Variants in ZNF385D observed in about 807,000 individuals in gnomAD.
The protein encoded by ZNF385D is zinc finger protein 385D.
A neutral mutation model predicts 35.8 loss-of-function variants in ZNF385D; 15 were observed. The observed-to-expected ratio is 0.42, with a 90% confidence interval of 0.28 to 0.64. The LOEUF is 0.64. Ranked by LOEUF, ZNF385D falls within the 30% of genes least tolerant of loss-of-function variation. The pLI is 0.23. For missense variants in ZNF385D, 474 were observed against 494.6 expected (o/e 0.96, Z 0.39); for synonymous variants, 212 against 186.8 (o/e 1.13, Z -1.10).
intron 3 of ZNF385D, among the ~76,000 whole-genome samples, chr3:21,810,966 G>C (rs752898056): frequency 1.6e-5 from 2 of 121,658 alleles, no homozygotes; most frequent in African/African-American, 6.2e-5. Context: ...ATATGTGTGT[G>C]TATACGTGTG....
intron 2 of ZNF385D, among the ~76,000 whole-genome samples, chr3:22,293,316 T>C (rs1702400161): frequency 6.6e-6 from 1 of 152,132 alleles, no homozygotes; most frequent in African/African-American, 2.4e-5. Flanking sequence ...CCTTTACTCA[T>C]CTCAATTAGT....
At chr3:22,196,696 C>T (rs773273777) in intron 2 of ZNF385D, among the ~76,000 whole-genome samples, 36 of 152,112 alleles carry the variant, frequency 2.4e-4, no homozygotes, top group Non-Finnish European at 4.9e-4. Flanking sequence ...TCATGTTTCA[C>T]TTGTTTTACG....
chr3:22,135,525 ACT>A (rs1323981240), intron 3 of ZNF385D, among the ~76,000 whole-genome samples: 3 of 152,180 alleles, frequency 2.0e-5, no homozygotes, highest in Non-Finnish European at 4.4e-5. Flanking sequence ...AGAATGAAAG[ACT>A]CAACATAGTA....
chr3:21,426,081 T>C (rs1464152241), intron 5 of ZNF385D, among the ~76,000 whole-genome samples: 1 of 152,176 alleles, frequency 6.6e-6, no homozygotes, highest in Non-Finnish European at 1.5e-5. Flanking sequence ...GCTAAAGATA[T>C]AGCTGGAGGT....
At chr3:22,238,255 T>C (rs1306430217) in intron 2 of ZNF385D, among the ~76,000 whole-genome samples, 1 of 151,076 alleles carries the variant, frequency 6.6e-6, no homozygotes, top group East Asian at 1.9e-4. Flanking sequence ...CCAACTTTGC[T>C]TTTTTGGTTT....
chr3:21,902,393 T>A (rs1231097955), intron 3 of ZNF385D, among the ~76,000 whole-genome samples: 1 of 152,096 alleles, frequency 6.6e-6, no homozygotes, highest in African/African-American at 2.4e-5. Flanking sequence ...GAAACAAAAA[T>A]AGAGATCGAT....
rs575786357 is a variant in ZNF385D at position 22,027,830 on chromosome 3, G to A, written c.325+140987C>T. On this transcript the variant is annotated intron_variant, in intron 3 of 5. Coordinates refer to the ZNF385D transcript ENST00000494108. ...CCAGCCTGCAACAATGGCCTCATGG[G>A]GGGTTCTCTATGATCAGTTGACAGA... Among the ~76,000 whole-genome samples the A allele has an allele frequency of 1.6e-4, 24 of 152,296 alleles. 1 individual carries two copies. The South Asian group carries it at 3.9e-3, about 25-fold the overall frequency.
chr3:21,561,353 A>T (rs35104803), intron 3 of ZNF385D, among the ~76,000 whole-genome samples: 2 of 152,040 alleles, frequency 1.3e-5, no homozygotes, highest in Non-Finnish European at 2.9e-5. Flanking sequence ...TGGAGCGCAC[A>T]ATTCCTCATG....
chr3:22,037,621 T>A (rs958487186), intron 3 of ZNF385D, among the ~76,000 whole-genome samples: 1 of 152,170 alleles, frequency 6.6e-6, no homozygotes, highest in African/African-American at 2.4e-5. Context: ...CTTTGTCAGA[T>A]GAGTAGATTG....
chr3:21,998,790 A>G (rs2125410056), intron 3 of ZNF385D, among the ~76,000 whole-genome samples: 1 of 152,344 alleles, frequency 6.6e-6, no homozygotes, highest in Middle Eastern at 3.4e-3. Flanking sequence ...TCATTCTTAG[A>G]AGTGCATAGG....
At chr3:21,935,144 T>A (rs764251514) in intron 3 of ZNF385D, among the ~76,000 whole-genome samples, 9 of 152,158 alleles carry the variant, frequency 5.9e-5, no homozygotes, top group Non-Finnish European at 1.2e-4. Flanking sequence ...TATTAATAAG[T>A]TGTATAGAAA....
chr3:21,991,060 T>G (rs890285852), intron 3 of ZNF385D, among the ~76,000 whole-genome samples: 3 of 152,186 alleles, frequency 2.0e-5, no homozygotes, highest in African/African-American at 7.2e-5. Context: ...AAATGTAAAA[T>G]TCCTTGTACA....
At chr3:21,689,886 C>A (rs1383307715) in intron 1 of ZNF385D, among the ~76,000 whole-genome samples, 11 of 143,738 alleles carry the variant, frequency 7.7e-5, no homozygotes, top group South Asian at 4.3e-4. Context: ...CGAAAAATTG[C>A]AAAAAAAAAA....
intron 3 of ZNF385D, among the ~76,000 whole-genome samples, chr3:21,758,292 T>G (rs539419687): frequency 3.3e-5 from 5 of 152,310 alleles, no homozygotes; most frequent in Admixed American, 2.6e-4. Context: ...TCCTAGAACA[T>G]AGCAGAAATG....
chr3:21,616,439 G>A (rs1184949617), intron 2 of ZNF385D, among the ~76,000 whole-genome samples: 2 of 152,150 alleles, frequency 1.3e-5, no homozygotes, highest in Non-Finnish European at 1.5e-5. Context: ...CCTTCCATGA[G>A]AAAATCAATT....
intron 3 of ZNF385D, among the ~76,000 whole-genome samples, chr3:21,906,022 G>A (rs1480784438): frequency 6.6e-6 from 1 of 152,122 alleles, no homozygotes; most frequent in Admixed American, 6.6e-5. Context: ...CCCATAAAAA[G>A]GAAGCAGTGC....
At chr3:21,453,888 A>T (rs547904555) in intron 4 of ZNF385D, among the ~76,000 whole-genome samples, 1 of 152,234 alleles carries the variant, frequency 6.6e-6, no homozygotes, top group African/African-American at 2.4e-5. Flanking sequence ...ATATATGTAT[A>T]AACATAAACT....
chr3:21,627,513 T>G (rs1337789299), intron 2 of ZNF385D, among the ~76,000 whole-genome samples: 1 of 152,088 alleles, frequency 6.6e-6, no homozygotes, highest in African/African-American at 2.4e-5. Flanking sequence ...TCAGATCAAG[T>G]GTCTATTTCT....
At chr3:21,727,079 C>T (rs1336483710) in intron 1 of ZNF385D, among the ~76,000 whole-genome samples, 4 of 152,138 alleles carry the variant, frequency 2.6e-5, no homozygotes, top group Non-Finnish European at 5.9e-5. Context: ...GAAAAGGATT[C>T]CCTATTTAAT....
Sources: gnomAD v4.1 joint callset for allele counts (sites outside exome capture counted in the v4.1 genomes callset) on GRCh38, gnomAD v4.1.1 for gene constraint, MANE v1.5 for transcripts, NCBI Gene and HGNC (gene_info 2026-07-23, HGNC 2026-07-21) for gene names.